Variants in C4orf50 observed in about 807,000 individuals in gnomAD.
C4orf50 encodes uncharacterized protein C4orf50.
A neutral mutation model predicts 77.2 loss-of-function variants in C4orf50; 80 were observed. The ratio of observed to expected loss-of-function variants is 1.04; its 90% CI spans 0.87 to 1.25. The LOEUF is 1.25. Ranked by LOEUF, C4orf50 falls within the 50% of genes most tolerant of loss-of-function variation. The pLI is 0.00. For missense variants in C4orf50, 1,257 were observed against 1,152.9 expected, an observed-to-expected ratio of 1.09 and a Z score of -1.31; for synonymous variants, 532 against 465.3, an observed-to-expected ratio of 1.14 and a Z score of -1.84.
chr4:5,997,126 G>A (rs1721626787), intron 25 of C4orf50, among the ~76,000 whole-genome samples: 2 of 152,236 alleles, frequency 1.3e-5, no homozygotes. Flanking sequence ...GAAGGAAGAG[G>A]AAGGACTAGA....
chr4:5,953,718 G>A (rs559378400), downstream of C4orf50, among the ~76,000 whole-genome samples: 9 of 152,154 alleles, frequency 5.9e-5, no homozygotes, highest in East Asian at 9.7e-4. Context: ...CTGCTGGGGG[G>A]CCTGGGGGAC....
exon 31 of C4orf50, chr4:5,973,675 G>A: frequency 1.2e-6 from 2 of 1,613,166 alleles, no homozygotes; most frequent in South Asian, 1.1e-5. Flanking sequence ...GACTCCCGGA[G>A]CCAGGAAGGT....
chr4:5,932,717 C>T lies in C4orf50; in HGVS notation c.*2474+24184G>A, dbSNP rs1717821212. Among the ~76,000 whole-genome samples, 1 of 152,150 alleles carries T rather than the reference C, an allele frequency of 6.6e-6. No individual in the cohort carries two copies. The highest frequency in any genetic ancestry group is 6.5e-5 in the Admixed American group (1 of 15,282). ...TCAGCCTCCCAAAGTGCTGAGATAA[C>T]AGGTGTGAGTCACTGCACCCACATT... On this transcript the variant is annotated intron_variant, in intron 7 of 7. Transcript: ENST00000324058. This position sits in a 1 kb window ranked among gnomAD's most constrained non-coding sequence, Gnocchi z 4.2.
exon 34 of C4orf50, chr4:5,959,206 G>A (rs566151752): frequency 1.6e-5 from 12 of 768,520 alleles, no homozygotes; most frequent in African/African-American, 7.0e-5. Flanking sequence ...ACAGGCCAGC[G>A]TTTCTCTCAA....
chr4:5,917,558 C>T (rs1398878512), intron 7 of C4orf50, among the ~76,000 whole-genome samples: 1 of 151,778 alleles, frequency 6.6e-6, no homozygotes, highest in East Asian at 1.9e-4. Context: ...GGACTACAGG[C>T]ACGCACCACC....
intron 25 of C4orf50, among the ~76,000 whole-genome samples, chr4:6,003,420 G>T (rs930728935): frequency 6.6e-6 from 1 of 151,282 alleles, no homozygotes; most frequent in Non-Finnish European, 1.5e-5. Flanking sequence ...ATGAGGAGGA[G>T]GGTGGCAATG....
chr4:5,942,745 T>G (rs1273073929), intron 7 of C4orf50, among the ~76,000 whole-genome samples: 4 of 152,146 alleles, frequency 2.6e-5, no homozygotes, highest in African/African-American at 9.7e-5. Context: ...TATTCCAGAA[T>G]CCATTATCTT....
chr4:6,018,002 A>G lies in C4orf50; in HGVS notation c.287+143T>C, dbSNP rs1453963916. 5.0e-6 allele frequency: 2 copies of G among 396,600 alleles called. No homozygotes were observed. The highest frequency in any genetic ancestry group is 2.1e-5 in the African/African-American group (1 of 48,620). The allele number at this position is 396,600 out of a possible 1,614,324, so 24.6% of individuals were successfully genotyped here. ...AAGGAGGGCGGGAGGAGCAGAAGGCAAGTGACTGCGTGGGCAGGTTACGTG... is the reference window on the plus strand; with the variant it reads ...AAGGAGGGCGGGAGGAGCAGAAGGCGAGTGACTGCGTGGGCAGGTTACGTG... On this transcript the variant is annotated intron_variant, in intron 23 of 33. Transcript: ENST00000531445. The surrounding 1 kb of genome is among the most constrained non-coding windows in gnomAD (Gnocchi z 5.1).
rs1399934517 is a variant in C4orf50, at chr4:6,007,597, G to A, written c.963+399C>T. ...AAAGCCCAAACAGATTTCAACAATG[G>A]GAAAACAAGTGGTTTAGTAAGTGGG... On this transcript the variant is annotated intron_variant, in intron 25 of 33. Coordinates refer to ENST00000531445, the Ensembl canonical transcript of C4orf50. This position sits in a 1 kb window ranked among gnomAD's most constrained non-coding sequence, Gnocchi z 4.1. Among the ~76,000 whole-genome samples the A allele has an allele frequency of 6.6e-6, 1 of 152,112 alleles. No individual in the cohort carries two copies. Among genetic ancestry groups the A allele is most frequent in the African/African-American group, 2.4e-5 (1 of 41,400 alleles).
At chr4:6,006,312 A>T (rs1168588139) in intron 25 of C4orf50, among the ~76,000 whole-genome samples, 3 of 152,148 alleles carry the variant, frequency 2.0e-5, no homozygotes, top group Admixed American at 1.3e-4. Flanking sequence ...TTGCTCACTC[A>T]TTTTTCCTTA....
At position 5,923,711 on chromosome 4, in the gene C4orf50, T is replaced by C. The variant is rs541753561; in HGVS notation, c.*2475-25523A>G. On this transcript the variant is annotated intron_variant, in intron 7 of 7. Coordinates refer to the C4orf50 transcript ENST00000324058. ...ATTTCCTTCCAATGGCTCCGGCCTG[T>C]AGACTTAGGCCACACACATTGAGAG... 5.9e-5 allele frequency among the ~76,000 whole-genome samples: 9 copies of C among 152,328 alleles called. No homozygotes were observed. The South Asian group carries it at 1.9e-3, about 32-fold the overall frequency.
intron 25 of C4orf50, among the ~76,000 whole-genome samples, chr4:6,001,475 C>T (rs1236051608): frequency 6.6e-6 from 1 of 152,202 alleles, no homozygotes; most frequent in Non-Finnish European, 1.5e-5. Flanking sequence ...TTCCCTCTGA[C>T]ACCACCAGGG....
intron 7 of C4orf50, among the ~76,000 whole-genome samples, chr4:5,944,521 G>A (rs1718400776): frequency 6.6e-6 from 1 of 152,170 alleles, no homozygotes; most frequent in Non-Finnish European, 1.5e-5. Context: ...ATGGTCCAGA[G>A]TCACATGGCC....
At chr4:5,921,153 C>T (rs1252027490) in intron 7 of C4orf50, among the ~76,000 whole-genome samples, 2 of 152,242 alleles carry the variant, frequency 1.3e-5, no homozygotes, top group African/African-American at 4.8e-5. Flanking sequence ...GGCCCTTCCA[C>T]GCTGAGGGAG....
chr4:5,902,796 T>C (rs917406400), intron 7 of C4orf50: 2 of 152,106 alleles, frequency 1.3e-5, no homozygotes, highest in African/African-American at 4.8e-5. Flanking sequence ...GAGGCTGCAA[T>C]AGAAGGTTCC....
At position 5,932,240 on chromosome 4, in the gene C4orf50, C is replaced by A. The variant is rs768154785; in HGVS notation, c.*2474+24661G>T. On this transcript the variant is annotated intron_variant, in intron 7 of 7. Coordinates refer to the C4orf50 transcript ENST00000324058. The surrounding 1 kb of genome is among the most constrained non-coding windows in gnomAD (Gnocchi z 4.2). ...AATGCCCCACAGAGCAGAAGCGTGT[C>A]GCATTTCTACTCTGGCACACTCTTT... 6.6e-6 allele frequency among the ~76,000 whole-genome samples: 1 copy of A among 151,542 alleles called. No homozygotes were observed. Among genetic ancestry groups the A allele is most frequent in the Non-Finnish European group, 1.5e-5 (1 of 67,908 alleles).
chr4:5,921,978 C>T (rs946691215), intron 7 of C4orf50, among the ~76,000 whole-genome samples: 1 of 152,094 alleles, frequency 6.6e-6, no homozygotes, highest in Non-Finnish European at 1.5e-5. Context: ...AAAAAGCCCC[C>T]GAAGGAACCT....
In C4orf50 at chr4:5,970,027, G is replaced by A. The variant is rs757870067; in HGVS notation, c.4105-2565C>T. ...CCTCTTCTCCTCTCCTTTGGTACCC[G>A]GGCCTCTGCCTCCAAGGTCTCAGGG... On this transcript the variant is annotated intron_variant, in intron 31 of 33. Coordinates refer to ENST00000531445, the Ensembl canonical transcript of C4orf50. The surrounding 1 kb of genome is among the most constrained non-coding windows in gnomAD (Gnocchi z 4.3). 2.0e-5 allele frequency among the ~76,000 whole-genome samples: 3 copies of A among 152,070 alleles called. No homozygotes were observed. The highest frequency in any genetic ancestry group is 1.9e-4 in the East Asian group (1 of 5,160).
In C4orf50 at chr4:5,988,609, C is replaced by G. The variant is rs1476872261; in HGVS notation, c.3437G>C (p.Arg1146Thr). The G allele has an allele frequency of 4.6e-6, 7 of 1,536,124 alleles. No homozygotes were observed. The East Asian group carries it at 1.5e-4, about 32-fold the overall frequency. Residue 1146 changes from arginine to threonine, a missense_variant, in exon 28 of 34, where the codon AGA becomes ACA. Arg to Thr is a moderately conservative substitution (Grantham distance 71). Coordinates refer to ENST00000531445, the Ensembl canonical transcript of C4orf50. ...CTCCTCCAAGGGTGGCCCACAGGCT[C>G]TTGAAAGCAGCTGTCCTGTGAGTGG...
Sources: gnomAD v4.1 joint callset for allele counts (sites outside exome capture counted in the v4.1 genomes callset) on GRCh38, gnomAD v4.1.1 for gene constraint, Gnocchi (gnomAD v3.1) non-coding constraint, MANE v1.5 for transcripts, NCBI Gene and HGNC (gene_info 2026-07-23, HGNC 2026-07-21) for gene names.